DCT: variants seen among roughly 807,000 people sequenced by gnomAD.
DCT encodes the protein dopachrome tautomerase, also known as L-dopachrome tautomerase.
A neutral mutation model predicts 53.0 loss-of-function variants in DCT; 47 were observed. That is an observed-to-expected ratio of 0.89 (90% CI 0.70 to 1.13). DCT has a LOEUF of 1.13. Among genes scored for constraint, DCT ranks in the 50% most tolerant of loss-of-function variants. The probability of loss-of-function intolerance (pLI) is 0.00; values close to 1 mark genes in which losing one functional copy is unlikely to be tolerated. For missense variants in DCT, 669 were observed against 637.4 expected (o/e 1.05, Z -0.53); for synonymous variants, 244 against 237.0 (o/e 1.03, Z -0.27).
chr13:94,473,837 T>TA (rs1250149523), intron 1 of DCT, among the ~76,000 whole-genome samples: 1 of 152,202 alleles, frequency 6.6e-6, no homozygotes, highest in African/African-American at 2.4e-5. Flanking sequence ...TTTATTCAAT[T>TA]AAAAAATTCC....
At chr13:94,508,255 TA>T in the DCT span, among the ~76,000 whole-genome samples, 1 of 152,236 alleles carries the variant, frequency 6.6e-6, no homozygotes, top group Non-Finnish European at 1.5e-5. Context: ...ATTCCTTCAA[TA>T]ACACTATGAG....
chr13:94,526,607 G>A, the DCT span, among the ~76,000 whole-genome samples: 3 of 152,144 alleles, frequency 2.0e-5, no homozygotes, highest in Non-Finnish European at 4.4e-5. Flanking sequence ...CCTGGCCCAG[G>A]TAACAGAGCA....
chr13:94,469,234 G>A (rs4773794), intron 1 of DCT, among the ~76,000 whole-genome samples, 189 bp from the exon 2 acceptor site: 23,992 of 152,056 alleles, frequency 0.16, 2,094 homozygotes, highest in Non-Finnish European at 0.2. Flanking sequence ...AGCACTAGAG[G>A]GTTTCCTAGA....
the DCT span, among the ~76,000 whole-genome samples, chr13:94,534,352 G>C: frequency 3.9e-5 from 6 of 152,220 alleles, no homozygotes; most frequent in Non-Finnish European, 7.3e-5. Flanking sequence ...AATGAGTCAG[G>C]GGGCTGAGCC....
At chr13:94,468,649 C>G (rs1054981581) in intron 2 of DCT, 97 bp downstream of exon 2, 2 of 1,097,042 alleles carry the variant, frequency 1.8e-6, no homozygotes, top group Admixed American at 2.1e-5. Flanking sequence ...TGTGGTTGCT[C>G]TCTTAATTAA....
chr13:94,501,654 A>AAGGAGAGAG, the DCT span, among the ~76,000 whole-genome samples: 2 of 146,482 alleles, frequency 1.4e-5, no homozygotes, highest in Non-Finnish European at 3.0e-5. Context: ...GAGAGAGAGA[A>AAGGAGAGAG]AGGAGAGAGA....
In DCT at chr13:94,479,551, C is replaced by T. The variant is rs955737677; in HGVS notation, c.-296G>A. On this transcript the variant is annotated 5_prime_UTR_variant, in exon 1 of 8. Coordinates refer to ENST00000377028, the MANE Select transcript of DCT (RefSeq NM_001922.5). ...TGAGGGTAGCGCTTCTCACCATCTT[C>T]CCCCGTTAAGTCAGGCTTTGTCTAA... 2.4e-5 allele frequency: 7 copies of T among 291,340 alleles called. No homozygotes were observed. The highest frequency in any genetic ancestry group is 3.9e-5 in the Non-Finnish European group (6 of 155,804). The allele number at this position is 291,340 out of a possible 1,614,324, so 18.0% of individuals were successfully genotyped here. A position where few individuals can be genotyped will look rare whatever the true frequency, so the allele number is the denominator to read the frequency against.
the DCT span, among the ~76,000 whole-genome samples, chr13:94,487,689 C>A: frequency 6.6e-6 from 1 of 152,164 alleles, no homozygotes; most frequent in Non-Finnish European, 1.5e-5. Context: ...TACTCCTGTG[C>A]CTCTGAATGT....
chr13:94,538,558 A>G, the DCT span, among the ~76,000 whole-genome samples: 5 of 152,168 alleles, frequency 3.3e-5, no homozygotes, highest in African/African-American at 1.2e-4. Context: ...AGAAAAGCAG[A>G]TGGACTTGGT....
intron 7 of DCT, among the ~76,000 whole-genome samples, chr13:94,440,443 C>T (rs963540698): frequency 1.3e-5 from 2 of 152,014 alleles, no homozygotes; most frequent in African/African-American, 4.8e-5. Context: ...ATATACAGCC[C>T]TTGGGAAGAG....
rs556110153 is a variant in DCT, at chr13:94,441,426, A to C, written c.1382-1350T>G. Among the ~76,000 whole-genome samples the C allele has an allele frequency of 8.5e-4, 129 of 152,272 alleles. 1 individual carries two copies. Among genetic ancestry groups the C allele is most frequent in the Non-Finnish European group, 1.7e-3 (115 of 68,024 alleles). On this transcript the variant is annotated intron_variant, in intron 7 of 7. Transcript: ENST00000377028. ...TAGGCAGTGCAGTGGCATTAAGTAC[A>C]TTCACATTGTTGTGCGACCATCGCC...
intron 6 of DCT, among the ~76,000 whole-genome samples, chr13:94,455,989 G>A (rs1210862567): frequency 1.3e-5 from 2 of 152,196 alleles, no homozygotes; most frequent in South Asian, 4.1e-4. Context: ...ATACATGGCT[G>A]AGAAAGCAGA....
chr13:94,464,490 A>C (rs9590015), intron 4 of DCT, among the ~76,000 whole-genome samples: 10,150 of 152,066 alleles, frequency 0.067, 429 homozygotes, highest in African/African-American at 0.12. Flanking sequence ...AAATACAAAA[A>C]TTAGCTGGGC....
At chr13:94,464,296 G>C (rs888298905) in intron 4 of DCT, among the ~76,000 whole-genome samples, 1 of 152,210 alleles carries the variant, frequency 6.6e-6, no homozygotes. Context: ...CTGTGCCCTG[G>C]AGCAGTCTAA....
At chr13:94,547,587 G>A in the DCT span, among the ~76,000 whole-genome samples, 1 of 152,008 alleles carries the variant, frequency 6.6e-6, no homozygotes, top group African/African-American at 2.4e-5. Flanking sequence ...AGAGTGCTCA[G>A]ACCTCAGGTT....
chr13:94,502,026 CCAGCCCCCACT>C, the DCT span, among the ~76,000 whole-genome samples: 70 of 97,696 alleles, frequency 7.2e-4, no homozygotes, highest in South Asian at 9.2e-4. Context: ...TTCCATAGCC[CCAGCCCCCACT>C]TCTGAGGCTC....
At chr13:94,441,591 C>T (rs1029264996) in intron 7 of DCT, among the ~76,000 whole-genome samples, 3 of 152,172 alleles carry the variant, frequency 2.0e-5, no homozygotes, top group Admixed American at 2.0e-4. Context: ...TAAGTGGAGT[C>T]ATGCAGTATT....
chr13:94,455,972 T>A (rs935193807), intron 6 of DCT, among the ~76,000 whole-genome samples: 2 of 152,230 alleles, frequency 1.3e-5, no homozygotes, highest in African/African-American at 4.8e-5. Context: ...TATAAATAGA[T>A]GTACAGATAC....
intron 6 of DCT, among the ~76,000 whole-genome samples, chr13:94,458,552 C>T (rs1334217063): frequency 6.6e-6 from 1 of 152,112 alleles, no homozygotes; most frequent in East Asian, 1.9e-4. Flanking sequence ...GCCTGTAATC[C>T]CAGGACTTTG....
Sources: allele counts gnomAD v4.1 joint callset (sites outside exome capture counted in the v4.1 genomes callset), GRCh38; gene constraint gnomAD v4.1.1; transcripts MANE v1.5; gene names NCBI Gene and HGNC (gene_info 2026-07-23, HGNC 2026-07-21).